Variants in FHIT observed in about 807,000 individuals in gnomAD.
FHIT encodes the protein bis(5'-adenosyl)-triphosphatase.
A neutral mutation model predicts 17.9 loss-of-function variants in FHIT; 19 were observed. The observed-to-expected ratio is 1.06, with a 90% CI of 0.74 to 1.56. The LOEUF is 1.56. Ranked by LOEUF, FHIT falls within the 40% of genes most tolerant of loss-of-function variation. The pLI is 0.00. For missense variants in FHIT, 248 were observed against 189.2 expected, an observed-to-expected ratio of 1.31 and a Z score of -1.82; for synonymous variants, 81 against 69.7, an observed-to-expected ratio of 1.16 and a Z score of -0.81.
At chr3:60,772,932 C>T (rs1049902740) in intron 4 of FHIT, among the ~76,000 whole-genome samples, 27 of 152,172 alleles carry the variant, frequency 1.8e-4, no homozygotes, top group African/African-American at 1.9e-4. Context: ...CCCAGCCAAT[C>T]GGCAGCAAAC....
At position 60,595,807 on chromosome 3, in the gene FHIT, C is replaced by T. The variant is rs115492727; in HGVS notation, c.-17-58828G>A. ...TACAGGCATGCACCGCCATGCCTGG[C>T]TAATTTTTTTTTAAGAGATGGGGTC... On this transcript the variant is annotated intron_variant, in intron 4 of 9. Coordinates refer to ENST00000492590, the MANE Select transcript of FHIT (RefSeq NM_002012.4). Among the ~76,000 whole-genome samples the T allele has an allele frequency of 3.9e-3, 581 of 150,326 alleles. 6 individuals are homozygous for T. The highest frequency in any genetic ancestry group is 0.013 in the African/African-American group (549 of 41,406).
At position 59,829,378 on chromosome 3, in the gene FHIT, A is replaced by C. The variant is rs868521367; in HGVS notation, c.349-77057T>G. Among the ~76,000 whole-genome samples, 4 of 152,190 alleles carry C rather than the reference A, an allele frequency of 2.6e-5. No individual in the cohort carries two copies. The South Asian group carries it at 8.3e-4, about 32-fold the overall frequency. Reference sequence around the variant, plus strand: ...AGTGTTCATGGGCCTCTATATTCTCATATCTCTGCACCAGCAGTAGGAGGA... The same window carrying C: ...AGTGTTCATGGGCCTCTATATTCTCCTATCTCTGCACCAGCAGTAGGAGGA... On this transcript the variant is annotated intron_variant, in intron 8 of 9. Transcript: ENST00000492590.
At chr3:61,149,971 T>A (rs1260103329) in intron 2 of FHIT, among the ~76,000 whole-genome samples, 1 of 152,144 alleles carries the variant, frequency 6.6e-6, no homozygotes, top group Non-Finnish European at 1.5e-5. Flanking sequence ...GGTACACTAG[T>A]CAAGTGTCAC....
intron 4 of FHIT, among the ~76,000 whole-genome samples, chr3:60,672,437 C>A (rs1357330721): frequency 8.5e-5 from 13 of 152,048 alleles, no homozygotes; most frequent in Non-Finnish European, 1.6e-4. Context: ...GCTTTTTGAG[C>A]CAGGATGAGC....
intron 5 of FHIT, among the ~76,000 whole-genome samples, chr3:60,348,650 A>G (rs773454980): frequency 7.9e-5 from 12 of 152,206 alleles, no homozygotes; most frequent in Non-Finnish European, 1.6e-4. Flanking sequence ...CTTGTGGCAG[A>G]GAGCAAAAAT....
At chr3:60,625,631 A>G (rs1553680664) in intron 4 of FHIT, among the ~76,000 whole-genome samples, 1 of 152,150 alleles carries the variant, frequency 6.6e-6, no homozygotes, top group African/African-American at 2.4e-5. Context: ...TATATATTCT[A>G]GATACAAGTC....
intron 4 of FHIT, among the ~76,000 whole-genome samples, chr3:60,645,778 T>G (rs553713272): frequency 6.6e-6 from 1 of 152,146 alleles, no homozygotes. Context: ...TATAACAACT[T>G]CAAATAGTTA....
At chr3:60,713,004 T>C (rs201846733) in intron 4 of FHIT, among the ~76,000 whole-genome samples, 136,686 of 150,196 alleles carry the variant, frequency 0.91, 62,969 homozygotes, top group East Asian at 1. Context: ...ACACCTGTTC[T>C]AAAATTGACC....
chr3:61,101,565 C>T (rs540473850), intron 2 of FHIT, among the ~76,000 whole-genome samples: 9 of 150,936 alleles, frequency 6.0e-5, no homozygotes, highest in African/African-American at 2.2e-4. Context: ...TCCATATGAA[C>T]TTTAGTTTTT....
chr3:60,518,842 C>T (rs1317142959), intron 5 of FHIT, among the ~76,000 whole-genome samples: 14 of 152,196 alleles, frequency 9.2e-5, no homozygotes, highest in Admixed American at 9.2e-4. Flanking sequence ...AACTTCGTCT[C>T]TACTAAAAAT....
chr3:59,974,092 T>C (rs953651282), intron 7 of FHIT, among the ~76,000 whole-genome samples: 7 of 152,106 alleles, frequency 4.6e-5, no homozygotes, highest in Admixed American at 6.6e-5. Flanking sequence ...TGCCTCATAA[T>C]TGCTATAGCC....
At chr3:60,961,025 T>C (rs370207935) in intron 3 of FHIT, among the ~76,000 whole-genome samples, 1 of 152,206 alleles carries the variant, frequency 6.6e-6, no homozygotes, top group Non-Finnish European at 1.5e-5. Context: ...TCCACAATGG[T>C]TGAACTAGTT....
intron 5 of FHIT, among the ~76,000 whole-genome samples, chr3:60,184,100 G>A (rs1207639936): frequency 1.6e-4 from 25 of 151,574 alleles, no homozygotes; most frequent in African/African-American, 6.0e-4. Context: ...TGATTCTCCT[G>A]CCTCAGCCTC....
intron 5 of FHIT, among the ~76,000 whole-genome samples, chr3:60,385,336 G>A (rs564297223): frequency 1.4e-4 from 22 of 152,290 alleles, no homozygotes; most frequent in African/African-American, 4.1e-4. Flanking sequence ...ACAAAATGCA[G>A]TATACATGGC....
intron 5 of FHIT, among the ~76,000 whole-genome samples, chr3:60,125,488 CA>C (rs1431969455): frequency 6.6e-6 from 1 of 151,698 alleles, no homozygotes; most frequent in African/African-American, 2.4e-5. Context: ...AGAAATAAGC[CA>C]GGTGTGGTGG....
At chr3:60,014,334 T>C (rs1312811388) in intron 5 of FHIT, among the ~76,000 whole-genome samples, 182 bp from the exon 6 acceptor site, 1 of 152,178 alleles carries the variant, frequency 6.6e-6, no homozygotes, top group Non-Finnish European at 1.5e-5. Flanking sequence ...CTCCCATACA[T>C]GGATAATTAC....
intron 5 of FHIT, among the ~76,000 whole-genome samples, chr3:60,356,574 C>A (rs1049416048): frequency 6.6e-6 from 1 of 151,764 alleles, no homozygotes; most frequent in African/African-American, 2.4e-5. Flanking sequence ...ATGAGAACAC[C>A]GTGAAATATA....
intron 3 of FHIT, among the ~76,000 whole-genome samples, chr3:60,891,259 T>C (rs1705504775): frequency 6.6e-6 from 1 of 152,160 alleles, no homozygotes; most frequent in Non-Finnish European, 1.5e-5. Context: ...GCAACCCAAT[T>C]TTCTGAAAAA....
At chr3:59,959,465 T>C (rs1366166742) in intron 7 of FHIT, among the ~76,000 whole-genome samples, 1 of 152,198 alleles carries the variant, frequency 6.6e-6, no homozygotes, top group Non-Finnish European at 1.5e-5. Flanking sequence ...ATGTTCTTAA[T>C]GATTTAGGAT....
Sources: allele counts gnomAD v4.1 joint callset (sites outside exome capture counted in the v4.1 genomes callset), GRCh38; gene constraint gnomAD v4.1.1; transcripts MANE v1.5; gene names NCBI Gene and HGNC (gene_info 2026-07-23, HGNC 2026-07-21).